The following CLTCL1 variants were observed in gnomAD, a reference collection of about 807,000 sequenced individuals.
CLTCL1 encodes the protein clathrin heavy chain like 1.
Under a neutral mutation model 190.0 loss-of-function variants are expected in CLTCL1, and 159 were observed. That is an observed-to-expected ratio of 0.84 (90% CI 0.74 to 0.95). The LOEUF is 0.95. Ranked by LOEUF, CLTCL1 falls within the 40% of genes least tolerant of loss-of-function variation. The probability of loss-of-function intolerance (pLI) is 0.00; values close to 1 mark genes in which losing one functional copy is unlikely to be tolerated. For missense variants in CLTCL1, 1,878 were observed against 2,033.4 expected (o/e 0.92, Z 1.47); for synonymous variants, 752 against 769.6 (o/e 0.98, Z 0.38).
Position 19,187,973 on chromosome 22 carries a change from A to C in CLTCL1, c.4434+8T>G. On this transcript the variant is annotated splice_region_variant and intron_variant, in intron 28 of 32. Coordinates refer to ENST00000427926, the MANE Select transcript of CLTCL1 (RefSeq NM_007098.4). ...CACCCAGGACAGGGCTCCTTCCTGC[A>C]CACCCACCTGATAGTCCTCCTCCTC... 3 of 1,612,258 alleles carry C rather than the reference A, an allele frequency of 1.9e-6. No homozygotes were observed. The highest frequency in any genetic ancestry group is 2.5e-6 in the Non-Finnish European group (3 of 1,178,394).
chr22:19,279,946 A>G (rs2087647951), intron 1 of CLTCL1, among the ~76,000 whole-genome samples: 1 of 152,192 alleles, frequency 6.6e-6, no homozygotes, highest in South Asian at 2.1e-4. Context: ...GGCCACATGG[A>G]TCTGTCTGTC....
rs1229757674 is a variant in CLTCL1, at chr22:19,254,020, A to G, written c.458T>C (p.Val153Ala). 2.5e-6 allele frequency: 4 copies of G among 1,612,616 alleles called. No individual in the cohort carries two copies. The highest frequency in any genetic ancestry group is 3.4e-6 in the Non-Finnish European group (4 of 1,179,348). ...GTACTCATCAGTCCGGTAGTGAATC[A>G]CCTGGCAGCCCACCAGACTGGTATG... Reference protein sequence around the residue: ...DRHTSLVGCQVIHYRTDEYQK... With the variant: ...DRHTSLVGCQAIHYRTDEYQK... Residue 153 changes from valine to alanine, a missense_variant, in exon 3 of 33, where the codon GTG (valine) becomes GCG (alanine). Coordinates refer to ENST00000427926, the MANE Select transcript of CLTCL1 (RefSeq NM_007098.4).
rs181471959 is a variant in CLTCL1, at chr22:19,201,365, G to A, written c.3729C>T (p.Asn1243=). The change falls in exon 23 of 33, where the codon AAC becomes AAT. Residue 1243 remains asparagine (N), a synonymous_variant. Coordinates refer to ENST00000427926, the MANE Select transcript of CLTCL1 (RefSeq NM_007098.4). ...HLGEYQAAVD[N]SRKASSTRTW... is the part of the protein sequence containing the mutation. ...TCCGGGTGCTGCTGGCCTTGCGGCT[G>A]TTGTCCACTGCTGCCTGATACTCAC... The A allele has an allele frequency of 1.4e-3, 2,265 of 1,613,322 alleles. 15 individuals are homozygous for A. The Admixed American group carries it at 0.019, about 14-fold the overall frequency.
chr22:19,266,897 A>G (rs2087138162), intron 2 of CLTCL1, among the ~76,000 whole-genome samples: 2 of 152,208 alleles, frequency 1.3e-5, no homozygotes, highest in African/African-American at 4.8e-5. Context: ...ATCATATTTA[A>G]TTGTAAAAGG....
intron 5 of CLTCL1, among the ~76,000 whole-genome samples, chr22:19,238,073 T>G (rs1281927502): frequency 6.6e-6 from 1 of 152,092 alleles, no homozygotes. Flanking sequence ...TTTTTTATTT[T>G]TATTCTTATT....
chr22:19,267,749 G>C (rs1237474962), intron 2 of CLTCL1, among the ~76,000 whole-genome samples: 1 of 152,052 alleles, frequency 6.6e-6, no homozygotes, highest in African/African-American at 2.4e-5. Context: ...CAAAAAACTA[G>C]CCAGGCATGG....
At chr22:19,276,937 G>T (rs2087535775) in intron 1 of CLTCL1, among the ~76,000 whole-genome samples, 1 of 152,124 alleles carries the variant, frequency 6.6e-6, no homozygotes, top group Admixed American at 6.5e-5. Flanking sequence ...CTCCCAAAGC[G>T]CTGGGATTAC....
chr22:19,278,536 G>A (rs1297800277), intron 1 of CLTCL1, among the ~76,000 whole-genome samples: 1 of 152,106 alleles, frequency 6.6e-6, no homozygotes, highest in Non-Finnish European at 1.5e-5. Context: ...GATAACAGAA[G>A]CCCCATAAGC....
Position 19,229,908 on chromosome 22 carries a change from T to C in CLTCL1, c.1712A>G (p.Lys571Arg). The C allele has an allele frequency of 3.1e-6, 5 of 1,611,870 alleles. No individual in the cohort carries two copies. Among genetic ancestry groups the C allele is most frequent in the Non-Finnish European group, 4.2e-6 (5 of 1,179,158 alleles). Residue 571 changes from lysine to arginine, a missense_variant, in exon 11 of 33, where the codon AAG becomes AGG. Physicochemically the swap from Lys to Arg is conservative, Grantham distance 26. Transcript: ENST00000427926. ...QCTSFLLDAL[K>R]NNRPAEGLLQ... The stretch of plus-strand genomic sequence containing the variant: ...GAGTCCCTCAGCTGGGCGATTATTC[T>C]TCAAGGCATCCAATAAGAAGGAAGT...
intron 29 of CLTCL1, among the ~76,000 whole-genome samples, chr22:19,186,959 G>A (rs571874765): frequency 4.2e-5 from 6 of 143,868 alleles, no homozygotes; most frequent in Admixed American, 3.5e-4. Flanking sequence ...TTTTTTTGGA[G>A]ACAGGGTCTC....
At chr22:19,187,771 G>C (rs1555929148) in intron 28 of CLTCL1, 43 bp from the exon 29 acceptor site, 2 of 1,594,680 alleles carry the variant, frequency 1.3e-6, no homozygotes, top group Admixed American at 1.7e-5. Context: ...CACTGACATG[G>C]GCTGCCTACA....
chr22:19,201,376 C>G lies in CLTCL1; in HGVS notation c.3718G>C (p.Ala1240Pro). 1 of 1,613,580 alleles carries G rather than the reference C, an allele frequency of 6.2e-7. No individual in the cohort carries two copies. Among genetic ancestry groups the G allele is most frequent in the Non-Finnish European group, 8.5e-7 (1 of 1,179,818 alleles). ...TLVHLGEYQAAVDNSRKASST... is the reference protein window; with the variant it reads ...TLVHLGEYQAPVDNSRKASST... ...CTGGCCTTGCGGCTGTTGTCCACTG[C>G]TGCCTGATACTCACCGAGGTGAACC... Residue 1240 changes from alanine (A) to proline (P), a missense_variant, in exon 23 of 33, where the codon GCA (alanine) becomes CCA (proline). Transcript: ENST00000427926.
Position 19,256,365 on chromosome 22 carries a change from T to A in CLTCL1, c.251-2138A>T, listed in dbSNP as rs548903133. Among the ~76,000 whole-genome samples, 338 of 143,834 alleles carry A rather than the reference T, an allele frequency of 2.3e-3. 9 individuals are homozygous for A. In the East Asian group the frequency reaches 0.058, roughly 25 times the overall value. The allele number at this position is 143,834 out of a possible 152,430, so 94.4% of individuals were successfully genotyped here. On this transcript the variant is annotated intron_variant, in intron 2 of 32. Coordinates refer to ENST00000427926, the MANE Select transcript of CLTCL1 (RefSeq NM_007098.4). ...TCTTTTTCTTTTATCTTTTTTTTTT[T>A]TTTTTTTTTGAGACACAGTCTCTCT... is the stretch of plus-strand genomic sequence containing the variant.
At chr22:19,219,283 G>A (rs1480570658) in intron 18 of CLTCL1, among the ~76,000 whole-genome samples, 1 of 151,594 alleles carries the variant, frequency 6.6e-6, no homozygotes, top group Non-Finnish European at 1.5e-5. Context: ...TCCACCTCCT[G>A]GGTTCAAGCG....
intron 2 of CLTCL1, among the ~76,000 whole-genome samples, chr22:19,256,219 G>A (rs2086744314): frequency 6.6e-6 from 1 of 151,730 alleles, no homozygotes; most frequent in South Asian, 2.1e-4. Context: ...GTACAGTGGA[G>A]CAATCATAGC....
At chr22:19,257,597 T>C (rs1555973276) in intron 2 of CLTCL1, 2 of 404,984 alleles carry the variant, frequency 4.9e-6, no homozygotes, top group East Asian at 5.9e-5. Flanking sequence ...CCAGCTACAG[T>C]ACCCGGTTGA....
At chr22:19,210,091 G>A (rs1410823390) in intron 20 of CLTCL1, among the ~76,000 whole-genome samples, 1 of 152,176 alleles carries the variant, frequency 6.6e-6, no homozygotes, top group African/African-American at 2.4e-5. Flanking sequence ...GTGCTGGGGA[G>A]TAATAGGGAA....
intron 30 of CLTCL1, chr22:19,183,037 A>G (rs1025227975): frequency 3.3e-6 from 1 of 305,134 alleles, no homozygotes; most frequent in Non-Finnish European, 6.4e-6. Flanking sequence ...CTCCTCAGGG[A>G]GCTGGGATTG....
intron 28 of CLTCL1, 87 bp from the exon 29 acceptor site, chr22:19,187,815 G>T: frequency 7.0e-7 from 1 of 1,434,612 alleles, no homozygotes; most frequent in Non-Finnish European, 9.7e-7. Flanking sequence ...CTTGATGGCT[G>T]TTGCTATCAG....
Sources: gnomAD v4.1 joint callset for allele counts (sites outside exome capture counted in the v4.1 genomes callset) on GRCh38, gnomAD v4.1.1 for gene constraint, MANE v1.5 for transcripts, NCBI Gene and HGNC (gene_info 2026-07-23, HGNC 2026-07-21) for gene names.